Variants in ADAM17 observed in about 807,000 individuals in gnomAD.
The protein encoded by ADAM17 is disintegrin and metalloproteinase domain-containing protein 17.
Under a neutral mutation model 96.7 loss-of-function variants are expected in ADAM17, and 39 were observed. The ratio of observed to expected loss-of-function variants is 0.40; its 90% CI spans 0.31 to 0.53. The LOEUF (loss-of-function observed/expected upper bound fraction) is 0.53, where lower values mean the gene tolerates loss of function less well. ADAM17 is among the 20% of genes least tolerant of loss of function. The probability of loss-of-function intolerance (pLI) is 0.44; values close to 1 mark genes in which losing one functional copy is unlikely to be tolerated. For missense variants in ADAM17, 777 were observed against 1,013.2 expected (o/e 0.77, Z 3.17); for synonymous variants, 344 against 359.2 (o/e 0.96, Z 0.48).
Position 9,555,553 on chromosome 2 carries a change from G to A in ADAM17, c.53C>T (p.Pro18Leu), listed in dbSNP as rs144458353. 619 of 1,603,296 alleles carry A rather than the reference G, an allele frequency of 3.9e-4. 1 individual carries two copies. The highest frequency in any genetic ancestry group is 4.9e-4 in the Non-Finnish European group (581 of 1,174,906). ...LTSVVPFVLA[P>L]RPPDDPGFGP... ...GAAGCCCGGGTCATCCGGAGGTCGC[G>A]GCGCCAGCACGAAAGGAACCACGCT... Residue 18 changes from proline to leucine, a missense_variant, in exon 1 of 19, where the codon CCG (proline) becomes CTG (leucine). Transcript: ENST00000310823.
chr2:9,537,474 C>T (rs1231481631), intron 2 of ADAM17, among the ~76,000 whole-genome samples: 1 of 152,214 alleles, frequency 6.6e-6, no homozygotes, highest in Non-Finnish European at 1.5e-5. Context: ...TGGCTCACGC[C>T]TGTAATCCCA....
At chr2:9,524,701 G>C (rs1055806103) in intron 6 of ADAM17, among the ~76,000 whole-genome samples, 1 of 152,116 alleles carries the variant, frequency 6.6e-6, no homozygotes, top group Non-Finnish European at 1.5e-5. Context: ...ACCCCAAAAA[G>C]TTCAGCACTG....
chr2:9,526,998 T>C (rs1030820434), intron 5 of ADAM17, among the ~76,000 whole-genome samples: 2 of 152,062 alleles, frequency 1.3e-5, no homozygotes, highest in Admixed American at 6.6e-5. Context: ...TTTATTTATA[T>C]ATTAAAATGC....
At chr2:9,538,336 T>A (rs867108993) in intron 2 of ADAM17, among the ~76,000 whole-genome samples, 3 of 152,226 alleles carry the variant, frequency 2.0e-5, no homozygotes, top group African/African-American at 7.2e-5. Context: ...AAATCTAGAC[T>A]GGGACTATCT....
At chr2:9,541,525 T>G (rs1315775819) in intron 2 of ADAM17, among the ~76,000 whole-genome samples, 1 of 152,110 alleles carries the variant, frequency 6.6e-6, no homozygotes, top group African/African-American at 2.4e-5. Flanking sequence ...ATCGTGCCAT[T>G]GCACTCCAGT....
At chr2:9,539,658 A>T (rs1665126536) in intron 2 of ADAM17, among the ~76,000 whole-genome samples, 1 of 152,164 alleles carries the variant, frequency 6.6e-6, no homozygotes, top group African/African-American at 2.4e-5. Flanking sequence ...GGTTTCATAG[A>T]GTTAATTCAG....
Position 9,555,733 on chromosome 2 carries a change from G to A in ADAM17, c.-128C>T. ...GCCCCTCAATCCTCTTTTCCCTCCC[G>A]CGCCGCCTACTGGGAAGATTCTACC... On this transcript the variant is annotated 5_prime_UTR_variant, in exon 1 of 19. Coordinates refer to ENST00000310823, the MANE Select transcript of ADAM17 (RefSeq NM_003183.6). 2.7e-6 allele frequency: 2 copies of A among 733,056 alleles called. No homozygotes were observed. Among genetic ancestry groups the A allele is most frequent in the Admixed American group, 3.6e-5 (1 of 27,548 alleles). 45.4% of individuals were successfully genotyped at this position (733,056 alleles called of 1,614,324 possible). A position where few individuals can be genotyped will look rare whatever the true frequency, so the allele number is the denominator to read the frequency against.
Position 9,516,835 on chromosome 2 carries a change from CCTTA to C in ADAM17, c.1191+1062_1191+1065del, listed in dbSNP as rs1166258063. 2.6e-5 allele frequency among the ~76,000 whole-genome samples: 4 copies of C among 152,294 alleles called. No homozygotes were observed. In the South Asian group the frequency reaches 6.2e-4, roughly 24 times the overall value. On this transcript the variant is annotated intron_variant, in intron 10 of 18. Coordinates refer to ENST00000310823, the MANE Select transcript of ADAM17 (RefSeq NM_003183.6). ...CTACCAACATCTCTCTCCCCTTCTT[CCTTA>C]CTTAATGAGCCCTAATTTTGCCCAG...
rs377602367 is a variant in ADAM17, at chr2:9,550,936, G to A, written c.97+4573C>T. 5.2e-4 allele frequency among the ~76,000 whole-genome samples: 78 copies of A among 151,150 alleles called. 1 individual carries two copies. In the East Asian group the frequency reaches 0.013, roughly 25 times the overall value. On this transcript the variant is annotated intron_variant, in intron 1 of 18. Transcript: ENST00000310823. Reference sequence around the variant, plus strand: ...AAAAAAAAAAAAAAATTAGCCAGGCGTGGTGGGGGACACCTGTAATCCCAG... The same window carrying A: ...AAAAAAAAAAAAAAATTAGCCAGGCATGGTGGGGGACACCTGTAATCCCAG...
intron 1 of ADAM17, among the ~76,000 whole-genome samples, chr2:9,548,669 G>C (rs1338099332): frequency 2.0e-5 from 3 of 152,010 alleles, no homozygotes; most frequent in Non-Finnish European, 4.4e-5. Flanking sequence ...CATTTACATA[G>C]GACTTCCTTT....
At chr2:9,519,629 C>T (rs956756488) in intron 8 of ADAM17, among the ~76,000 whole-genome samples, 5 of 152,100 alleles carry the variant, frequency 3.3e-5, no homozygotes, top group Non-Finnish European at 7.4e-5. Flanking sequence ...GGAAACAGGG[C>T]CCTTAAGGAG....
At chr2:9,549,641 G>C (rs1665521760) in intron 1 of ADAM17, among the ~76,000 whole-genome samples, 1 of 151,948 alleles carries the variant, frequency 6.6e-6, no homozygotes, top group East Asian at 1.9e-4. Flanking sequence ...AATCCTCCGG[G>C]TGGCTGGGAC....
At chr2:9,527,567 A>C in intron 5 of ADAM17, 2 of 327,470 alleles carry the variant, frequency 6.1e-6, no homozygotes, top group Non-Finnish European at 1.1e-5. Context: ...AATCTTTTTT[A>C]AAGTCTAATC....
intron 1 of ADAM17, among the ~76,000 whole-genome samples, chr2:9,548,795 A>G (rs1429550443): frequency 3.3e-5 from 5 of 152,170 alleles, no homozygotes; most frequent in Non-Finnish European, 7.4e-5. Context: ...GGTAAAAAGT[A>G]GCCAATACTT....
At chr2:9,491,705 A>G (rs56198091) in intron 17 of ADAM17, among the ~76,000 whole-genome samples, 88,515 of 152,094 alleles carry the variant, frequency 0.58, 27,100 homozygotes, top group African/African-American at 0.71. Flanking sequence ...CTGCTGCCCC[A>G]TCCCTGCCTG....
At position 9,555,649 on chromosome 2, in the gene ADAM17, G is replaced by A. The variant is rs1174764447; in HGVS notation, c.-44C>T. The stretch of plus-strand genomic sequence containing the variant: ...GACTCCACCTCTCTGGGCAGCCTTC[G>A]CCTGACGGGGTTTCGGAAAACTGCT... On this transcript the variant is annotated 5_prime_UTR_variant, in exon 1 of 19. Transcript: ENST00000310823. The A allele has an allele frequency of 8.1e-6, 12 of 1,477,362 alleles. No homozygotes were observed. The highest frequency in any genetic ancestry group is 2.8e-5 in the African/African-American group (2 of 70,974). The allele number at this position is 1,477,362 out of a possible 1,614,324, so 91.5% of individuals were successfully genotyped here. A position where few individuals can be genotyped will look rare whatever the true frequency, so the allele number is the denominator to read the frequency against.
Position 9,490,046 on chromosome 2 carries a change from G to C in ADAM17, c.*131C>G. 1.2e-6 allele frequency: 1 copy of C among 831,342 alleles called. No homozygotes were observed. The highest frequency in any genetic ancestry group is 1.8e-6 in the Non-Finnish European group (1 of 550,442). The allele number at this position is 831,342 out of a possible 1,614,324, so 51.5% of individuals were successfully genotyped here. On this transcript the variant is annotated 3_prime_UTR_variant, in exon 19 of 19. Coordinates refer to ENST00000310823, the MANE Select transcript of ADAM17 (RefSeq NM_003183.6). ...CCACACAAGAACTGTTTACCTGCAG[G>C]AAGTTCAAACACATGACCAGCATCT...
intron 4 of ADAM17, among the ~76,000 whole-genome samples, chr2:9,530,456 T>C (rs1294619016): frequency 1.3e-5 from 2 of 152,222 alleles, no homozygotes; most frequent in African/African-American, 4.8e-5. Flanking sequence ...GAAGATTATG[T>C]AGGTAATAAA....
At position 9,490,002 on chromosome 2, in the gene ADAM17, C is replaced by T. The variant is rs1425446485; in HGVS notation, c.*175G>A. 1.7e-6 allele frequency: 1 copy of T among 573,674 alleles called. No individual in the cohort carries two copies. The highest frequency in any genetic ancestry group is 2.8e-5 in the East Asian group (1 of 35,710). The allele number at this position is 573,674 out of a possible 1,614,324, so 35.5% of individuals were successfully genotyped here. On this transcript the variant is annotated 3_prime_UTR_variant, in exon 19 of 19. Coordinates refer to ENST00000310823, the MANE Select transcript of ADAM17 (RefSeq NM_003183.6). ...TAGATTCACCTTCACCTTACCTTTT[C>T]AAAAGGAGAAGGGCCAAACCACACA...
Sources: gnomAD v4.1 joint callset for allele counts (sites outside exome capture counted in the v4.1 genomes callset) on GRCh38, gnomAD v4.1.1 for gene constraint, MANE v1.5 for transcripts, NCBI Gene and HGNC (gene_info 2026-07-23, HGNC 2026-07-21) for gene names.